The following MIB1 variants were observed in gnomAD, a reference collection of about 807,000 sequenced individuals.
The protein encoded by MIB1 is E3 ubiquitin-protein ligase MIB1.
In MIB1, 278 loss-of-function variants were observed where a neutral mutation model predicts 124.5. The observed-to-expected ratio is 2.23, with a 90% CI of 2.02 to 2.47. The LOEUF is 2.47. Ranked by LOEUF, MIB1 falls within the 30% of genes most tolerant of loss-of-function variation. MIB1 has a pLI of 0.00. For missense variants in MIB1, 957 were observed against 1,254.4 expected, an observed-to-expected ratio of 0.76 and a Z score of 3.58; for synonymous variants, 446 against 429.4, an observed-to-expected ratio of 1.04 and a Z score of -0.48.
chr18:21,853,395 C>T (rs1277686149), intron 18 of MIB1, among the ~76,000 whole-genome samples, 177 bp downstream of exon 18: 2 of 152,166 alleles, frequency 1.3e-5, no homozygotes, highest in East Asian at 1.9e-4. Flanking sequence ...TCCCTCCATG[C>T]GTCTGAGCAT....
intron 1 of MIB1, among the ~76,000 whole-genome samples, chr18:21,732,202 C>G (rs946000730): frequency 6.6e-6 from 1 of 151,734 alleles, no homozygotes; most frequent in African/African-American, 2.4e-5. Flanking sequence ...GTGGTATGTG[C>G]CTGTTATCCC....
In MIB1 at chr18:21,870,274, C is replaced by T. The variant is rs2042346212; in HGVS notation, c.*5608C>T. ...AAACAAATCTCAATACATTAAAAAA[C>T]CTGTTATTGTTAAAAAGGAAATTAC... On this transcript the variant is annotated 3_prime_UTR_variant, in exon 21 of 21. Transcript: ENST00000261537. 2.0e-5 allele frequency: 3 copies of T among 152,236 alleles called. No homozygotes were observed. Among genetic ancestry groups the T allele is most frequent in the African/African-American group, 7.2e-5 (3 of 41,396 alleles). 9.4% of individuals were successfully genotyped at this position (152,236 alleles called of 1,614,324 possible).
chr18:21,741,689 G>T lies in MIB1; in HGVS notation c.106G>T (p.Val36Leu). 1 of 1,611,526 alleles carries T rather than the reference G, an allele frequency of 6.2e-7. No individual in the cohort carries two copies. Among genetic ancestry groups the T allele is most frequent in the Non-Finnish European group, 8.5e-7 (1 of 1,179,418 alleles). Residue 36 changes from valine (V) to leucine (L), a missense_variant, in exon 1 of 21, where the codon GTG (valine) becomes TTG (leucine). Val to Leu is a conservative substitution (Grantham distance 32). Coordinates refer to ENST00000261537, the MANE Select transcript of MIB1 (RefSeq NM_020774.4). The surrounding 1 kb of genome is among the most constrained non-coding windows in gnomAD (Gnocchi z 5.4). Reference sequence around the variant, plus strand: ...GAAGCAGGACGGCGGCGAGGGCCATGTGGGCACCGTCCGGAGCTTCGAGAG... The same window carrying T: ...GAAGCAGGACGGCGGCGAGGGCCATTTGGGCACCGTCCGGAGCTTCGAGAG... ...WGKQDGGEGHVGTVRSFESPE... is the reference protein window; with the variant it reads ...WGKQDGGEGHLGTVRSFESPE...
At chr18:21,756,825 A>T (rs2041037693) in intron 1 of MIB1, among the ~76,000 whole-genome samples, 1 of 152,214 alleles carries the variant, frequency 6.6e-6, no homozygotes, top group Admixed American at 6.5e-5. Flanking sequence ...CTATGTAAAA[A>T]AATGCCAAAA....
chr18:21,731,987 A>AT (rs1240807395), intron 1 of MIB1, among the ~76,000 whole-genome samples: 2 of 151,818 alleles, frequency 1.3e-5, no homozygotes, highest in East Asian at 3.9e-4. Flanking sequence ...TCTTTTTTAC[A>AT]CTAAAGAAGA....
At chr18:21,819,291 A>G (rs1233443673) in intron 11 of MIB1, among the ~76,000 whole-genome samples, 1 of 152,170 alleles carries the variant, frequency 6.6e-6, no homozygotes, top group Non-Finnish European at 1.5e-5. Context: ...CTCCCGCCTC[A>G]GCCTCCCAAA....
At chr18:21,725,553 T>A (rs1841155810) in intron 1 of MIB1, among the ~76,000 whole-genome samples, 1 of 152,216 alleles carries the variant, frequency 6.6e-6, no homozygotes, top group Non-Finnish European at 1.5e-5. Flanking sequence ...GACAGCCAAG[T>A]CGTATCCATA....
intron 12 of MIB1, among the ~76,000 whole-genome samples, chr18:21,823,809 TA>T (rs1336704983): frequency 2.0e-5 from 3 of 152,190 alleles, no homozygotes; most frequent in Non-Finnish European, 4.4e-5. Context: ...TCTGTTCTGA[TA>T]GTTAATATTT....
At chr18:21,779,718 A>G (rs1441584103) in intron 6 of MIB1, 33 bp downstream of exon 6, 2 of 1,523,240 alleles carry the variant, frequency 1.3e-6, no homozygotes, top group Non-Finnish European at 1.8e-6. Context: ...TGACAATGAC[A>G]AATAAAACTA....
intron 5 of MIB1, among the ~76,000 whole-genome samples, chr18:21,778,919 C>T (rs1201131971): frequency 6.6e-6 from 1 of 152,052 alleles, no homozygotes; most frequent in Non-Finnish European, 1.5e-5. Flanking sequence ...GCAAAATCAA[C>T]ATGCATATTT....
intron 10 of MIB1, among the ~76,000 whole-genome samples, chr18:21,806,552 T>C (rs1188559247): frequency 6.6e-6 from 1 of 151,982 alleles, no homozygotes; most frequent in African/African-American, 2.4e-5. Flanking sequence ...TAGTTAATAC[T>C]ATAAACATGG....
Position 21,741,476 on chromosome 18 carries a change from C to T in MIB1, c.-108C>T, listed in dbSNP as rs1003744979. 9 of 652,932 alleles carry T rather than the reference C, an allele frequency of 1.4e-5. No homozygotes were observed. The highest frequency in any genetic ancestry group is 7.6e-5 in the South Asian group (1 of 13,084). The allele number at this position is 652,932 out of a possible 1,614,324, so 40.4% of individuals were successfully genotyped here. On this transcript the variant is annotated 5_prime_UTR_variant, in exon 1 of 21. Transcript: ENST00000261537. This position sits in a 1 kb window ranked among gnomAD's most constrained non-coding sequence, Gnocchi z 5.4. ...TCACGTCCCCCGGGGCTCGCTGCCG[C>T]CCCCGCCGACGCCTAGAGTCCGGCC...
intron 1 of MIB1, among the ~76,000 whole-genome samples, chr18:21,722,372 A>AT (rs1282273278): frequency 7.5e-6 from 1 of 132,774 alleles, no homozygotes; most frequent in Non-Finnish European, 1.6e-5. Context: ...CCTTGTTTTT[A>AT]TTTTTATTTT....
chr18:21,852,561 TA>T (rs879820696), intron 17 of MIB1, among the ~76,000 whole-genome samples: 2 of 150,924 alleles, frequency 1.3e-5, no homozygotes, highest in African/African-American at 2.4e-5. Flanking sequence ...AGATTATGAA[TA>T]GGCTGTGGAA....
chr18:21,779,634 GT>G lies in MIB1; in HGVS notation c.858del (p.Cys286TrpfsTer10). 1 of 1,614,144 alleles carries G rather than the reference GT, an allele frequency of 6.2e-7. No individual in the cohort carries two copies. Among genetic ancestry groups the G allele is most frequent in the Non-Finnish European group, 8.5e-7 (1 of 1,179,998 alleles). ...FETLTTTGTV[C>X]GIDEDHDIVV... The stretch of plus-strand genomic sequence containing the variant: ...ACTTTAACTACAACTGGAACTGTTT[GT>G]GGCATTGATGAAGATCATGACATTG... On this transcript the variant is annotated frameshift_variant, in exon 6 of 21. Coordinates refer to ENST00000261537, the MANE Select transcript of MIB1 (RefSeq NM_020774.4). LOFTEE classifies it high-confidence loss of function.
chr18:21,797,020 G>T (rs2041590000), intron 7 of MIB1, among the ~76,000 whole-genome samples: 2 of 152,052 alleles, frequency 1.3e-5, no homozygotes. Context: ...ACAAAAAATT[G>T]ATTATGTGGA....
chr18:21,776,932 C>T (rs1019222862), intron 4 of MIB1, among the ~76,000 whole-genome samples: 1 of 151,572 alleles, frequency 6.6e-6, no homozygotes, highest in African/African-American at 2.4e-5. Flanking sequence ...AGCCGAGATC[C>T]CGCCACTGCA....
intron 1 of MIB1, among the ~76,000 whole-genome samples, chr18:21,722,148 G>A (rs537874661): frequency 6.6e-6 from 1 of 151,962 alleles, no homozygotes; most frequent in South Asian, 2.1e-4. Flanking sequence ...TCTGCCTCCT[G>A]GGTTCAAGCG....
intron 1 of MIB1, among the ~76,000 whole-genome samples, chr18:21,758,229 A>C (rs141206627): frequency 9.6e-4 from 146 of 152,322 alleles, no homozygotes; most frequent in African/African-American, 3.4e-3. Context: ...TCATTAATTT[A>C]GTATTTCTCT....
Sources: gnomAD v4.1 joint callset for allele counts (sites outside exome capture counted in the v4.1 genomes callset) on GRCh38, gnomAD v4.1.1 for gene constraint, Gnocchi (gnomAD v3.1) non-coding constraint, MANE v1.5 for transcripts, NCBI Gene and HGNC (gene_info 2026-07-23, HGNC 2026-07-21) for gene names.